BUB1: variants seen among roughly 807,000 people sequenced by gnomAD.
The protein encoded by BUB1 is BUB1 mitotic checkpoint serine/threonine kinase.
Under a neutral mutation model 135.2 loss-of-function variants are expected in BUB1, and 84 were observed. The observed-to-expected ratio is 0.62, with a 90% confidence interval of 0.52 to 0.74. The LOEUF is 0.74. BUB1 is among the 30% of genes least tolerant of loss of function. The probability of loss-of-function intolerance (pLI) is 0.00; values close to 1 mark genes in which losing one functional copy is unlikely to be tolerated. For missense variants in BUB1, 1,162 were observed against 1,288.3 expected, an observed-to-expected ratio of 0.90 and a Z score of 1.50; for synonymous variants, 403 against 434.4, an observed-to-expected ratio of 0.93 and a Z score of 0.90.
In BUB1 at chr2:110,657,832, T is replaced by G. The variant is rs78951307; in HGVS notation, c.1517-187A>C. Among the ~76,000 whole-genome samples, 1,098 of 152,338 alleles carry G rather than the reference T, an allele frequency of 7.2e-3. 12 individuals carry two copies. The highest frequency in any genetic ancestry group is 0.017 in the Middle Eastern group (5 of 294). On this transcript the variant is annotated intron_variant, in intron 13 of 24. Transcript: ENST00000302759. ...TGACTTAACTATGGTAACAGGGTTT[T>G]GTACTCAAGTCCCAGGTCACGAGTC...
chr2:110,677,826 C>T, intron 1 of BUB1, 144 bp downstream of exon 1: 2 of 980,418 alleles, frequency 2.0e-6, no homozygotes, highest in Non-Finnish European at 3.0e-6. Context: ...TCTCAAGCAG[C>T]CCACGGCCTT....
At chr2:110,663,400 G>A (rs1690153430) in intron 9 of BUB1, among the ~76,000 whole-genome samples, 1 of 152,168 alleles carries the variant, frequency 6.6e-6, no homozygotes, top group Non-Finnish European at 1.5e-5. Flanking sequence ...TTAGTACATG[G>A]TAAAGATATT....
chr2:110,655,260 G>A (rs748631953), intron 16 of BUB1, among the ~76,000 whole-genome samples: 21 of 152,062 alleles, frequency 1.4e-4, no homozygotes, highest in Non-Finnish European at 2.8e-4. Context: ...TCTGACTATC[G>A]TACTTGGCTA....
intron 20 of BUB1, 70 bp from the exon 21 acceptor site, chr2:110,641,873 C>G: frequency 8.1e-6 from 12 of 1,481,996 alleles, no homozygotes; most frequent in Non-Finnish European, 1.1e-5. Context: ...AAAGCAACCT[C>G]TATCCCAATA....
Position 110,648,571 on chromosome 2 carries a change from C to T in BUB1, c.2347+663G>A, listed in dbSNP as rs1000733440. ...AGCACTTCAATTAATAATGCATCAACATTGGCTTAATTTTAACAAATGTAC... is the reference window on the plus strand; with the variant it reads ...AGCACTTCAATTAATAATGCATCAATATTGGCTTAATTTTAACAAATGTAC... On this transcript the variant is annotated intron_variant, in intron 19 of 24. Coordinates refer to ENST00000302759, the MANE Select transcript of BUB1 (RefSeq NM_004336.5). This position sits in a 1 kb window ranked among gnomAD's most constrained non-coding sequence, Gnocchi z 4.2. Among the ~76,000 whole-genome samples, 13 of 152,204 alleles carry T rather than the reference C, an allele frequency of 8.5e-5. No homozygotes were observed. The highest frequency in any genetic ancestry group is 3.1e-4 in the African/African-American group (13 of 41,456).
At chr2:110,645,585 A>ATGTGTGTG (rs141013722) in intron 19 of BUB1, among the ~76,000 whole-genome samples, 33 of 146,696 alleles carry the variant, frequency 2.2e-4, no homozygotes, top group African/African-American at 4.0e-4. Flanking sequence ...CGTTACGTGT[A>ATGTGTGTG]TGTGTGTGTG....
chr2:110,676,171 G>T (rs765955231), intron 1 of BUB1, among the ~76,000 whole-genome samples: 2 of 150,738 alleles, frequency 1.3e-5, no homozygotes, highest in African/African-American at 2.4e-5. Flanking sequence ...TAGAAGCTGA[G>T]AAAAAAACTA....
intron 3 of BUB1, among the ~76,000 whole-genome samples, chr2:110,673,846 G>T (rs1690497801): frequency 6.6e-6 from 1 of 152,144 alleles, no homozygotes; most frequent in African/African-American, 2.4e-5. Context: ...TGATCGACCT[G>T]CCTTGGCCTC....
At chr2:110,669,973 T>A (rs1375412369) in intron 5 of BUB1, among the ~76,000 whole-genome samples, 1 of 152,034 alleles carries the variant, frequency 6.6e-6, no homozygotes, top group Non-Finnish European at 1.5e-5. Flanking sequence ...ACAAATACAG[T>A]GAAATTATCA....
intron 10 of BUB1, chr2:110,661,327 G>C: frequency 2.2e-6 from 1 of 459,022 alleles, no homozygotes; most frequent in South Asian, 3.1e-5. Context: ...CAAAGTGACT[G>C]TTGACTTTCA....
intron 3 of BUB1, among the ~76,000 whole-genome samples, chr2:110,673,444 G>A (rs759498155): frequency 8.5e-5 from 13 of 152,190 alleles, no homozygotes; most frequent in Non-Finnish European, 1.3e-4. Flanking sequence ...AACTGGCATT[G>A]TAAGTGAGAG....
At chr2:110,659,552 C>T (rs746851500) in intron 11 of BUB1, among the ~76,000 whole-genome samples, 1 of 152,164 alleles carries the variant, frequency 6.6e-6, no homozygotes, top group Non-Finnish European at 1.5e-5. Context: ...ATGTCCCAGT[C>T]ACACAGCGGA....
chr2:110,666,462 C>T (rs1452808000), intron 8 of BUB1, 48 bp from the exon 9 acceptor site: 1 of 1,274,106 alleles, frequency 7.8e-7, no homozygotes. Flanking sequence ...AAATCCAGGT[C>T]ATCATAGGAA....
chr2:110,663,844 G>A (rs987987094), intron 9 of BUB1, among the ~76,000 whole-genome samples: 4 of 152,022 alleles, frequency 2.6e-5, no homozygotes, highest in African/African-American at 7.2e-5. Flanking sequence ...CTGGTAACAC[G>A]GTGAAACCCT....
chr2:110,649,448 T>C (rs1689726533), intron 18 of BUB1, 71 bp from the exon 19 acceptor site: 1 of 1,377,144 alleles, frequency 7.3e-7, no homozygotes, highest in South Asian at 1.6e-5. Context: ...CCAAATAAAT[T>C]ATAGACAAAG....
At chr2:110,664,631 G>A (rs944771940) in intron 9 of BUB1, among the ~76,000 whole-genome samples, 2 of 149,776 alleles carry the variant, frequency 1.3e-5, no homozygotes, top group Non-Finnish European at 3.0e-5. Flanking sequence ...TCGAAATGAG[G>A]ACAGTAAGGA....
intron 9 of BUB1, among the ~76,000 whole-genome samples, chr2:110,662,814 A>C (rs1022313961): frequency 1.1e-4 from 16 of 152,050 alleles, no homozygotes; most frequent in Admixed American, 4.6e-4. Flanking sequence ...AACACAAACA[A>C]ACACACACTA....
rs141074821 is a variant in BUB1 at position 110,655,445 on chromosome 2, C to G, written c.1876+294G>C. On this transcript the variant is annotated intron_variant, in intron 16 of 24. Transcript: ENST00000302759. ...ACAAAATAAACATGCTCTATCTATA[C>G]AAATGGGTTGGACCTTATTTCCTTT... Among the ~76,000 whole-genome samples, 378 of 152,234 alleles carry G rather than the reference C, an allele frequency of 2.5e-3. 1 individual carries two copies. Among genetic ancestry groups the G allele is most frequent in the African/African-American group, 8.6e-3 (357 of 41,566 alleles).
intron 19 of BUB1, among the ~76,000 whole-genome samples, chr2:110,647,984 C>T (rs1689687838): frequency 6.6e-6 from 1 of 152,182 alleles, no homozygotes; most frequent in African/African-American, 2.4e-5. Context: ...TTGGAAGTTT[C>T]TTACAAAAGT....
Sources: allele counts gnomAD v4.1 joint callset (sites outside exome capture counted in the v4.1 genomes callset), GRCh38; gene constraint gnomAD v4.1.1; non-coding constraint Gnocchi (gnomAD v3.1); transcripts MANE v1.5; gene names NCBI Gene and HGNC (gene_info 2026-07-23, HGNC 2026-07-21).